The following CNTN3 variants were observed in gnomAD, a reference collection of about 807,000 sequenced individuals.
The protein encoded by CNTN3 is contactin-3.
A neutral mutation model predicts 119.1 loss-of-function variants in CNTN3; 60 were observed. The ratio of observed to expected loss-of-function variants is 0.50; its 90% CI spans 0.41 to 0.62. The LOEUF is 0.62. Among genes scored for constraint, CNTN3 ranks in the 20% least tolerant of loss-of-function variants. CNTN3 has a pLI of 0.00. For synonymous variants in CNTN3, 450 were observed against 438.7 expected, an observed-to-expected ratio of 1.03 and a Z score of -0.32; for missense variants, 1,101 against 1,242.4, an observed-to-expected ratio of 0.89 and a Z score of 1.71.
intron 1 of CNTN3, among the ~76,000 whole-genome samples, chr3:74,592,849 CAAA>C (rs1278800607): frequency 6.6e-6 from 1 of 151,822 alleles, no homozygotes; most frequent in Non-Finnish European, 1.5e-5. Context: ...GTAAACTCCC[CAAA>C]AAGAGATTCT....
At chr3:74,472,549 T>C (rs1274085211) in intron 4 of CNTN3, among the ~76,000 whole-genome samples, 1 of 152,204 alleles carries the variant, frequency 6.6e-6, no homozygotes, top group Non-Finnish European at 1.5e-5. Context: ...AACAAATATG[T>C]TTCATTTATA....
At chr3:74,442,772 G>A (rs557652229) in intron 4 of CNTN3, among the ~76,000 whole-genome samples, 76 of 152,276 alleles carry the variant, frequency 5.0e-4, no homozygotes, top group African/African-American at 1.8e-3. Context: ...TAAGTTCTTT[G>A]CATAAGTTAA....
chr3:74,539,625 C>G (rs1703813356), intron 1 of CNTN3, among the ~76,000 whole-genome samples: 1 of 152,056 alleles, frequency 6.6e-6, no homozygotes, highest in Admixed American at 6.6e-5. Context: ...CAGGCAGTCC[C>G]TACATAGATA....
chr3:74,447,670 C>T (rs1032785984), intron 4 of CNTN3, among the ~76,000 whole-genome samples: 1 of 152,090 alleles, frequency 6.6e-6, no homozygotes, highest in East Asian at 1.9e-4. Flanking sequence ...ACCCTCACCA[C>T]CTGTCCTATT....
chr3:74,544,329 C>T (rs1186493955), intron 1 of CNTN3, among the ~76,000 whole-genome samples: 2 of 152,164 alleles, frequency 1.3e-5, no homozygotes, highest in Non-Finnish European at 2.9e-5. Flanking sequence ...AGCCTTTCTG[C>T]GTTTTCAGAT....
chr3:74,486,854 G>T (rs1440785074), intron 3 of CNTN3, among the ~76,000 whole-genome samples: 1 of 152,162 alleles, frequency 6.6e-6, no homozygotes, highest in African/African-American at 2.4e-5. Context: ...AGCAGTTAAA[G>T]TTTTTAAAGG....
At chr3:74,552,789 GT>G (rs1205009802) in intron 1 of CNTN3, among the ~76,000 whole-genome samples, 1 of 7,930 alleles carries the variant, frequency 1.3e-4, no homozygotes, top group East Asian at 1.7e-3. Flanking sequence ...AGATCTGATG[GT>G]TTTATAACTG....
At chr3:74,475,724 G>A (rs149173795) in intron 4 of CNTN3, among the ~76,000 whole-genome samples, 1 of 152,154 alleles carries the variant, frequency 6.6e-6, no homozygotes, top group Non-Finnish European at 1.5e-5. Flanking sequence ...TCTTCTTCAT[G>A]GATTTCATAC....
chr3:74,582,940 G>A (rs1334819083), intron 1 of CNTN3, among the ~76,000 whole-genome samples: 1 of 152,098 alleles, frequency 6.6e-6, no homozygotes, highest in Non-Finnish European at 1.5e-5. Flanking sequence ...TCGAACCTGT[G>A]GGATTTTAAT....
chr3:74,480,564 G>A (rs1332059829), intron 4 of CNTN3, among the ~76,000 whole-genome samples: 1 of 151,880 alleles, frequency 6.6e-6, no homozygotes, highest in African/African-American at 2.4e-5. Flanking sequence ...AATACCAAAA[G>A]AGACAGTGAA....
intron 1 of CNTN3, among the ~76,000 whole-genome samples, chr3:74,597,290 C>G (rs896087610): frequency 6.6e-6 from 1 of 151,842 alleles, no homozygotes; most frequent in African/African-American, 2.4e-5. Context: ...GCTATTAAAC[C>G]TTTTCACATG....
chr3:74,472,114 A>G (rs1395460683), intron 4 of CNTN3, among the ~76,000 whole-genome samples: 9 of 152,152 alleles, frequency 5.9e-5, no homozygotes, highest in Non-Finnish European at 1.3e-4. Context: ...TTCAATTACG[A>G]ACATTCTATG....
At chr3:74,575,230 C>T (rs945689931) in intron 1 of CNTN3, among the ~76,000 whole-genome samples, 1 of 151,944 alleles carries the variant, frequency 6.6e-6, no homozygotes, top group African/African-American at 2.4e-5. Flanking sequence ...GAAGTGTTTT[C>T]TATCTATTAA....
At chr3:74,310,125 C>T (rs1056606175) in intron 13 of CNTN3, among the ~76,000 whole-genome samples, 3 of 152,234 alleles carry the variant, frequency 2.0e-5, no homozygotes, top group South Asian at 2.1e-4. Flanking sequence ...GATCAAATCT[C>T]ATTATTTTTG....
chr3:74,389,741 G>A (rs1451449544), intron 5 of CNTN3, among the ~76,000 whole-genome samples: 1 of 152,148 alleles, frequency 6.6e-6, no homozygotes, highest in African/African-American at 2.4e-5. Flanking sequence ...TAATTCCTAA[G>A]TCCCTGCTCC....
At chr3:74,566,062 C>T (rs550640206) in intron 1 of CNTN3, among the ~76,000 whole-genome samples, 1 of 152,268 alleles carries the variant, frequency 6.6e-6, no homozygotes, top group East Asian at 1.9e-4. Context: ...GAGGCCTCCC[C>T]AGCCATGTGG....
chr3:74,426,489 C>CT (rs573830459), intron 4 of CNTN3, among the ~76,000 whole-genome samples: 80 of 152,224 alleles, frequency 5.3e-4, no homozygotes, highest in African/African-American at 1.8e-3. Flanking sequence ...TAGGGATACT[C>CT]TAAGGATCAT....
At chr3:74,534,313 T>G (rs559868348) in intron 1 of CNTN3, among the ~76,000 whole-genome samples, 1 of 152,198 alleles carries the variant, frequency 6.6e-6, no homozygotes, top group South Asian at 2.1e-4. Flanking sequence ...ATTCTTGTTT[T>G]GTCTACAGCG....
intron 11 of CNTN3, 88 bp from the exon 12 acceptor site, chr3:74,336,746 T>C: frequency 1.8e-6 from 2 of 1,093,828 alleles, no homozygotes; most frequent in Non-Finnish European, 1.3e-6. Flanking sequence ...ACATGTTGCC[T>C]TAAGCTAGTA....
Sources: gnomAD v4.1 joint callset for allele counts (sites outside exome capture counted in the v4.1 genomes callset) on GRCh38, gnomAD v4.1.1 for gene constraint, MANE v1.5 for transcripts, NCBI Gene and HGNC (gene_info 2026-07-23, HGNC 2026-07-21) for gene names.